Variants in NPHP4 observed in about 807,000 individuals in gnomAD.
The protein encoded by NPHP4 is nephrocystin 4, also known as nephrocystin-4.
Under a neutral mutation model 155.8 loss-of-function variants are expected in NPHP4, and 151 were observed. That is an observed-to-expected ratio of 0.97 (90% confidence interval 0.85 to 1.11). The LOEUF is 1.11. NPHP4 is among the 50% of genes least tolerant of loss of function. The pLI, the probability that NPHP4 is intolerant of heterozygous loss-of-function variation, is 0.00. For missense variants in NPHP4, 1,956 were observed against 1,925.7 expected (o/e 1.02, Z -0.29); for synonymous variants, 845 against 816.8 (o/e 1.03, Z -0.59).
intron 11 of NPHP4, 25 bp from the exon 12 acceptor site, chr1:5,909,238 G>C (rs1570386220): frequency 6.3e-7 from 1 of 1,584,120 alleles, no homozygotes; most frequent in South Asian, 1.1e-5. Flanking sequence ...AGTGGGGTAG[G>C]AGAGGGAATG....
At chr1:5,934,017 G>A (rs1288462483) in intron 9 of NPHP4, among the ~76,000 whole-genome samples, 2 of 152,178 alleles carry the variant, frequency 1.3e-5, no homozygotes, top group Non-Finnish European at 2.9e-5. Context: ...TCACAAACAC[G>A]GTTTCACGGC....
chr1:5,988,013 T>A (rs1287470743), intron 1 of NPHP4, among the ~76,000 whole-genome samples: 1 of 152,234 alleles, frequency 6.6e-6, no homozygotes, highest in African/African-American at 2.4e-5. Flanking sequence ...CGTGATCTTC[T>A]AAGGTTACAC....
In NPHP4 at chr1:5,864,338, C is replaced by A; in HGVS notation, c.3996G>T (p.Lys1332Asn). 1 of 1,605,522 alleles carries A rather than the reference C, an allele frequency of 6.2e-7. No individual in the cohort carries two copies. Among genetic ancestry groups the A allele is most frequent in the Non-Finnish European group, 8.5e-7 (1 of 1,175,138 alleles). Residue 1332 changes from lysine to asparagine, a missense_variant and splice_region_variant, in exon 28 of 30, where the codon AAG (lysine) becomes AAT (asparagine). Physicochemically the swap from Lys to Asn is moderately conservative, Grantham distance 94. Transcript: ENST00000378156. ...GCCTGTGCCTGCCACACATACAGACCTTGGAGATGAGCGGCTGGCGGCAGC... is the reference window on the plus strand; with the variant it reads ...GCCTGTGCCTGCCACACATACAGACATTGGAGATGAGCGGCTGGCGGCAGC... ...CLCCRQPLISKAFEIMLAAGE... is the reference protein window; with the variant it reads ...CLCCRQPLISNAFEIMLAAGE...
intron 11 of NPHP4, among the ~76,000 whole-genome samples, chr1:5,911,565 G>A (rs1429965547): frequency 6.6e-6 from 1 of 152,166 alleles, no homozygotes; most frequent in Non-Finnish European, 1.5e-5. Context: ...TTTGCATACA[G>A]TGTGGAAAGT....
intron 16 of NPHP4, among the ~76,000 whole-genome samples, chr1:5,894,530 A>G (rs1391734536): frequency 2.6e-5 from 4 of 151,778 alleles, no homozygotes; most frequent in African/African-American, 9.7e-5. Context: ...AAGGGAAAAC[A>G]CAATCAAAAA....
Position 5,905,687 on chromosome 1 carries a change from C to G in NPHP4, c.1708G>C (p.Glu570Gln). 2 of 1,613,906 alleles carry G rather than the reference C, an allele frequency of 1.2e-6. No individual in the cohort carries two copies. Among genetic ancestry groups the G allele is most frequent in the Non-Finnish European group, 1.7e-6 (2 of 1,179,846 alleles). Residue 570 changes from glutamate to glutamine, a missense_variant, in exon 14 of 30, where the codon GAG becomes CAG. Coordinates refer to ENST00000378156, the MANE Select transcript of NPHP4 (RefSeq NM_015102.5). The surrounding 1 kb of genome is among the most constrained non-coding windows in gnomAD (Gnocchi z 4.0). The stretch of plus-strand genomic sequence containing the variant: ...GCATGCAAAGGCGTGAACGGCAGCT[C>G]CTGTAACTGTTCGGCAATGGATGTT... ...LETSIAEQLQ[E>Q]LPFTPLHAPI... is the part of the protein sequence containing the mutation.
intron 11 of NPHP4, among the ~76,000 whole-genome samples, chr1:5,920,480 C>A (rs976424782): frequency 6.6e-6 from 1 of 152,136 alleles, no homozygotes; most frequent in African/African-American, 2.4e-5. Context: ...TGAAGGGGTA[C>A]GTACATGTGG....
At chr1:5,952,187 C>T (rs1164575993) in intron 7 of NPHP4, among the ~76,000 whole-genome samples, 1 of 152,202 alleles carries the variant, frequency 6.6e-6, no homozygotes, top group Non-Finnish European at 1.5e-5. Context: ...GGGGCGCCTT[C>T]CCAGGGGCCC....
intron 27 of NPHP4, 165 bp from the exon 28 acceptor site, chr1:5,864,682 G>A (rs940186887): frequency 3.9e-5 from 23 of 593,418 alleles, no homozygotes; most frequent in South Asian, 1.1e-4. Flanking sequence ...CTGTGGCCGC[G>A]ACTTGGGTCC....
intron 16 of NPHP4, among the ~76,000 whole-genome samples, chr1:5,896,042 G>A (rs1472720665): frequency 6.6e-6 from 1 of 152,250 alleles, no homozygotes; most frequent in Non-Finnish European, 1.5e-5. Context: ...GCAGAAGAGT[G>A]TATTTGGTAT....
Position 5,869,161 on chromosome 1 carries a change from CGCACCCACAT to C in NPHP4, c.3316-1275_3316-1266del, listed in dbSNP as rs1238326388. ...ATATCCGCCCACACATGCACACACACGCACCCACATGCACACAATGCACACATACATGCAC... is the reference window on the plus strand; with the variant it reads ...ATATCCGCCCACACATGCACACACACGCACACAATGCACACATACATGCAC... On this transcript the variant is annotated intron_variant, in intron 23 of 29. Coordinates refer to ENST00000378156, the MANE Select transcript of NPHP4 (RefSeq NM_015102.5). Among the ~76,000 whole-genome samples, 32 of 148,002 alleles carry C rather than the reference CGCACCCACAT, an allele frequency of 2.2e-4. 1 individual carries two copies. The South Asian group carries it at 6.6e-3, about 30-fold the overall frequency.
At chr1:5,879,775 G>GCA (rs34688152) in intron 19 of NPHP4, 139,595 of 327,534 alleles carry the variant, frequency 0.43, 31,926 homozygotes, top group East Asian at 0.69. Context: ...CACGAATGGT[G>GCA]CGCACACACA....
chr1:5,875,687 T>C (rs1049577317), intron 20 of NPHP4, among the ~76,000 whole-genome samples: 3 of 152,228 alleles, frequency 2.0e-5, no homozygotes, highest in Non-Finnish European at 4.4e-5. Context: ...TGGCCTGTTT[T>C]TCCTGTGGGA....
At chr1:5,906,207 C>T (rs941925292) in intron 13 of NPHP4, among the ~76,000 whole-genome samples, 4 of 152,246 alleles carry the variant, frequency 2.6e-5, no homozygotes, top group African/African-American at 9.6e-5. Context: ...TTCCTCAATA[C>T]TCCAAGATAA....
At chr1:5,899,339 C>T (rs1483047355) in intron 16 of NPHP4, among the ~76,000 whole-genome samples, 1 of 152,160 alleles carries the variant, frequency 6.6e-6, no homozygotes, top group South Asian at 2.1e-4. Context: ...AAAACAGAAA[C>T]GCTACTGCTA....
At chr1:5,939,665 C>A (rs1354467858) in intron 9 of NPHP4, among the ~76,000 whole-genome samples, 1 of 152,248 alleles carries the variant, frequency 6.6e-6, no homozygotes, top group Non-Finnish European at 1.5e-5. Context: ...TGCCCTTCCA[C>A]AAGGCCTGGC....
At position 5,979,417 on chromosome 1, in the gene NPHP4, G is replaced by A. The variant is rs116596678; in HGVS notation, c.136-1004C>T. On this transcript the variant is annotated intron_variant, in intron 2 of 29. Coordinates refer to ENST00000378156, the MANE Select transcript of NPHP4 (RefSeq NM_015102.5). The stretch of plus-strand genomic sequence containing the variant: ...GGGGGCATGAGAAGAACCACAGGGA[G>A]TTTGGGGAGAGGGAGCCAGGCAGGA... Among the ~76,000 whole-genome samples the A allele has an allele frequency of 2.7e-3, 404 of 152,300 alleles. 2 individuals are homozygous for A. Among genetic ancestry groups the A allele is most frequent in the African/African-American group, 9.1e-3 (377 of 41,568 alleles).
At chr1:5,963,066 T>C (rs1650659257) in intron 5 of NPHP4, among the ~76,000 whole-genome samples, 1 of 139,822 alleles carries the variant, frequency 7.2e-6, no homozygotes. Context: ...TGTTCTGATT[T>C]CATAAAGAAA....
At chr1:5,970,899 G>A (rs1271438039) in intron 3 of NPHP4, among the ~76,000 whole-genome samples, 1 of 152,192 alleles carries the variant, frequency 6.6e-6, no homozygotes, top group Non-Finnish European at 1.5e-5. Flanking sequence ...GCAATATGAT[G>A]AAATAATGAC....
Sources: gnomAD v4.1 joint callset for allele counts (sites outside exome capture counted in the v4.1 genomes callset) on GRCh38, gnomAD v4.1.1 for gene constraint, Gnocchi (gnomAD v3.1) non-coding constraint, MANE v1.5 for transcripts, NCBI Gene and HGNC (gene_info 2026-07-23, HGNC 2026-07-21) for gene names.